SNX8: variants seen among roughly 807,000 people sequenced by gnomAD.
The protein encoded by SNX8 is sorting nexin-8.
A neutral mutation model predicts 51.6 loss-of-function variants in SNX8; 25 were observed. The observed-to-expected ratio is 0.48, with a 90% CI of 0.35 to 0.68. The LOEUF (loss-of-function observed/expected upper bound fraction) is 0.68, where lower values mean the gene tolerates loss of function less well. SNX8 is among the 30% of genes least tolerant of loss of function. The probability of loss-of-function intolerance (pLI) is 0.00; values close to 1 mark genes in which losing one functional copy is unlikely to be tolerated. For synonymous variants in SNX8, 324 were observed against 277.0 expected, an observed-to-expected ratio of 1.17 and a Z score of -1.68; for missense variants, 695 against 624.0, an observed-to-expected ratio of 1.11 and a Z score of -1.21.
chr7:2,325,643 C>T (rs1394177458), intron 1 of SNX8, among the ~76,000 whole-genome samples: 2 of 151,848 alleles, frequency 1.3e-5, no homozygotes, highest in Non-Finnish European at 2.9e-5. Flanking sequence ...GCTTGGGCAA[C>T]ATGGCAAAAC....
At chr7:2,302,495 C>T (rs1487020268) in intron 1 of SNX8, among the ~76,000 whole-genome samples, 63 of 152,212 alleles carry the variant, frequency 4.1e-4, no homozygotes, top group Non-Finnish European at 7.2e-4. Context: ...CCCAAAGTGC[C>T]GAGATTGCAG....
intron 5 of SNX8, among the ~76,000 whole-genome samples, chr7:2,267,510 C>T (rs1264293253): frequency 7.0e-5 from 9 of 129,046 alleles, no homozygotes; most frequent in Admixed American, 5.5e-4. Context: ...GACGGGGTTT[C>T]GCTGTGTTGG....
chr7:2,258,198 A>G (rs1329479347), intron 7 of SNX8, among the ~76,000 whole-genome samples: 1 of 151,794 alleles, frequency 6.6e-6, no homozygotes, highest in African/African-American at 2.4e-5. Context: ...TTCTTTTTTT[A>G]GTAGAGACGG....
At chr7:2,264,719 C>T (rs1319816180) in intron 5 of SNX8, among the ~76,000 whole-genome samples, 1 of 152,208 alleles carries the variant, frequency 6.6e-6, no homozygotes, top group Non-Finnish European at 1.5e-5. Context: ...GAAATCTCAT[C>T]ACACTGGAGG....
Position 2,329,325 on chromosome 7 carries a change from A to T in SNX8, c.-66+24897T>A, listed in dbSNP as rs544058922. Among the ~76,000 whole-genome samples the T allele has an allele frequency of 1.8e-3, 265 of 150,178 alleles. 5 individuals are homozygous for T. Among genetic ancestry groups the T allele is most frequent in the Admixed American group, 0.013 (200 of 15,016 alleles). On this transcript the variant is annotated intron_variant, in intron 1 of 5. Coordinates refer to the SNX8 transcript ENST00000435336. ...AAATAAATAAATAAAAATAAAATTT[A>T]AAAAAAAGGTAATGCCTAATGCTTG...
At chr7:2,314,083 C>G (rs898942995) in intron 1 of SNX8, among the ~76,000 whole-genome samples, 1 of 152,214 alleles carries the variant, frequency 6.6e-6, no homozygotes, top group African/African-American at 2.4e-5. Context: ...CTGGACAGGG[C>G]TCTCCCGGCG....
intron 1 of SNX8, among the ~76,000 whole-genome samples, chr7:2,342,230 G>A (rs1301278448): frequency 6.6e-6 from 1 of 151,792 alleles, no homozygotes; most frequent in Non-Finnish European, 1.5e-5. Context: ...ATGTACTTCA[G>A]GTAGAAAGAA....
At position 2,272,009 on chromosome 7, in the gene SNX8, G is replaced by T. The variant is rs200731863; in HGVS notation, c.419-38C>A. 1.2e-5 allele frequency: 20 copies of T among 1,609,596 alleles called. No individual in the cohort carries two copies. In the East Asian group the frequency reaches 4.2e-4, roughly 34 times the overall value. On this transcript the variant is annotated intron_variant, in intron 3 of 10. Coordinates refer to ENST00000222990, the MANE Select transcript of SNX8 (RefSeq NM_013321.4). ...ACGGGGTCACTGGACAGAGTCCAGG[G>T]CGCCGGCCCCCATCTTCTGCTCTGG...
At chr7:2,350,463 T>A (rs951276237) in intron 1 of SNX8, among the ~76,000 whole-genome samples, 3 of 152,316 alleles carry the variant, frequency 2.0e-5, no homozygotes, top group African/African-American at 7.2e-5. Flanking sequence ...AAATTTGGCC[T>A]TAAAATGAAG....
rs1056000215 is a variant in SNX8, at chr7:2,263,236, T to C, written c.909A>G (p.Ala303=). ...GGAGAACCGATCCACTCACCTGTTG[T>C]GCAGCCTTGTCGGCGAGCAGCGCGA... ...VEFALLADKA[A]QQGKQEENDV... The change falls in exon 7 of 11, where the codon GCA becomes GCG. Residue 303 remains alanine, a synonymous_variant. Coordinates refer to ENST00000222990, the MANE Select transcript of SNX8 (RefSeq NM_013321.4). 2 of 1,613,886 alleles carry C rather than the reference T, an allele frequency of 1.2e-6. No individual in the cohort carries two copies. Among genetic ancestry groups the C allele is most frequent in the African/African-American group, 1.3e-5 (1 of 75,080 alleles).
At chr7:2,346,751 A>C (rs1583129244) in intron 1 of SNX8, among the ~76,000 whole-genome samples, 1 of 149,424 alleles carries the variant, frequency 6.7e-6, no homozygotes. Flanking sequence ...AAAAAAAAAA[A>C]AAAAAAAAAC....
chr7:2,316,285 CCACT>C (rs201667406), upstream of SNX8, among the ~76,000 whole-genome samples: 4,095 of 133,048 alleles, frequency 0.031, 86 homozygotes, highest in African/African-American at 0.056. Flanking sequence ...ATTCACACAA[CCACT>C]CACTCACTCA....
At chr7:2,337,130 G>C (rs1337109538) in intron 1 of SNX8, 1 of 152,158 alleles carries the variant, frequency 6.6e-6, no homozygotes, top group Admixed American at 6.6e-5. Context: ...GTGCGTAGCT[G>C]TGAAGATTCT....
At chr7:2,263,506 G>T in intron 6 of SNX8, 144 bp from the exon 7 acceptor site, 1 of 825,322 alleles carries the variant, frequency 1.2e-6, no homozygotes, top group Non-Finnish European at 1.8e-6. Context: ...AGAGTGGCCT[G>T]TGGGGACCCT....
Position 2,271,919 on chromosome 7 carries a change from G to T in SNX8, c.471C>A (p.Asn157Lys), listed in dbSNP as rs1795655635. The T allele has an allele frequency of 6.2e-7, 1 of 1,613,998 alleles. No individual in the cohort carries two copies. Among genetic ancestry groups the T allele is most frequent in the Non-Finnish European group, 8.5e-7 (1 of 1,180,030 alleles). The change falls in exon 4 of 11, where the codon AAC (asparagine) becomes AAA (lysine). Residue 157 changes from asparagine to lysine, a missense_variant. Asn to Lys is a moderately conservative substitution (Grantham distance 94, BLOSUM62 0). Transcript: ENST00000222990. ...AGAACAGGGGGTGTCGCGCCACCAG[G>T]TTGACGAAGCGCTTCAGGGCTCTCC... Reference protein sequence around the residue: ...ARRRALKRFVNLVARHPLFSE... With the variant: ...ARRRALKRFVKLVARHPLFSE...
intron 1 of SNX8, among the ~76,000 whole-genome samples, chr7:2,296,277 T>C (rs1265176238): frequency 1.3e-5 from 2 of 151,988 alleles, no homozygotes; most frequent in Non-Finnish European, 2.9e-5. Flanking sequence ...GTTCTCCTTG[T>C]AGAGATCTTT....
At chr7:2,312,270 G>A (rs1335454148) in intron 1 of SNX8, among the ~76,000 whole-genome samples, 1 of 152,090 alleles carries the variant, frequency 6.6e-6, no homozygotes, top group East Asian at 1.9e-4. Context: ...CACCATTATG[G>A]TAGCCTCTGG....
chr7:2,273,821 G>A (rs901983297), intron 3 of SNX8, among the ~76,000 whole-genome samples: 3 of 151,484 alleles, frequency 2.0e-5, no homozygotes, highest in African/African-American at 4.9e-5. Context: ...GGAGAATGGC[G>A]TGAACCCGGG....
intron 1 of SNX8, among the ~76,000 whole-genome samples, chr7:2,304,490 G>T (rs1445860034): frequency 6.6e-6 from 1 of 151,968 alleles, no homozygotes; most frequent in Non-Finnish European, 1.5e-5. Context: ...CTTGCAGCGA[G>T]CGGAGATTGC....
Sources: gnomAD v4.1 joint callset for allele counts (sites outside exome capture counted in the v4.1 genomes callset) on GRCh38, gnomAD v4.1.1 for gene constraint, MANE v1.5 for transcripts, NCBI Gene and HGNC (gene_info 2026-07-23, HGNC 2026-07-21) for gene names.